Variants in SEMA3A observed in about 807,000 individuals in gnomAD.
SEMA3A encodes semaphorin-3A.
SEMA3A carries 29 observed loss-of-function variants against 97.9 expected under a neutral mutation model. That is an observed-to-expected ratio of 0.30 (90% CI 0.22 to 0.40). The LOEUF (loss-of-function observed/expected upper bound fraction) is 0.40, where lower values mean the gene tolerates loss of function less well. Ranked by LOEUF, SEMA3A falls within the 10% of genes least tolerant of loss-of-function variation. The pLI is 1.00. For synonymous variants in SEMA3A, 321 were observed against 323.7 expected (o/e 0.99, Z 0.09); for missense variants, 763 against 951.3 (o/e 0.80, Z 2.60).
At position 83,968,414 on chromosome 7, in the gene SEMA3A, G is replaced by A. The variant is rs541409929; in HGVS notation, c.1718-5067C>T. Among the ~76,000 whole-genome samples, 42 of 152,248 alleles carry A rather than the reference G, an allele frequency of 2.8e-4. 1 individual carries two copies. The South Asian group carries it at 8.5e-3, about 31-fold the overall frequency. On this transcript the variant is annotated intron_variant, in intron 15 of 16. Transcript: ENST00000265362. The stretch of plus-strand genomic sequence containing the variant: ...TTGATATGATATTGATTGCATTACA[G>A]TGTTTACTCTATGTTTACTTTTGGA...
chr7:84,002,903 A>C (rs908295353), intron 11 of SEMA3A, among the ~76,000 whole-genome samples: 2 of 152,154 alleles, frequency 1.3e-5, no homozygotes, highest in Non-Finnish European at 1.5e-5. Context: ...TTGGGCTTAA[A>C]AGTTATTAAT....
chr7:84,429,689 G>T, intron 1 of SEMA3A, among the ~76,000 whole-genome samples: 1 of 150,356 alleles, frequency 6.7e-6, no homozygotes, highest in Admixed American at 6.7e-5. Flanking sequence ...ATTTTAGGTG[G>T]GGGTAGGAGA....
chr7:84,378,895 C>T (rs1046931641), intron 1 of SEMA3A, among the ~76,000 whole-genome samples: 16 of 145,682 alleles, frequency 1.1e-4, no homozygotes, highest in African/African-American at 4.1e-4. Context: ...TCTCTCTCTC[C>T]ATATATATTT....
chr7:84,110,350 T>C, intron 4 of SEMA3A, 120 bp downstream of exon 4: 1 of 1,060,302 alleles, frequency 9.4e-7, no homozygotes, highest in Non-Finnish European at 1.4e-6. Context: ...GCATCTGAGT[T>C]TGAAGTAGGT....
intron 3 of SEMA3A, among the ~76,000 whole-genome samples, chr7:84,247,363 C>T (rs1235009579): frequency 1.3e-5 from 2 of 152,050 alleles, no homozygotes; most frequent in Non-Finnish European, 2.9e-5. Context: ...ATATTTGGTT[C>T]TAGTCCATCA....
intron 4 of SEMA3A, among the ~76,000 whole-genome samples, chr7:84,102,866 G>A (rs770982997): frequency 4.6e-5 from 7 of 151,988 alleles, no homozygotes; most frequent in Admixed American, 2.0e-4. Context: ...CAGGCGTTGA[G>A]TCACTGTGCC....
chr7:84,412,376 A>T (rs1052732197), intron 1 of SEMA3A, among the ~76,000 whole-genome samples: 1 of 152,160 alleles, frequency 6.6e-6, no homozygotes, highest in Admixed American at 6.6e-5. Flanking sequence ...TTCCATGGTG[A>T]GTGCTTAGCA....
chr7:84,003,041 T>C (rs890452300), intron 11 of SEMA3A, among the ~76,000 whole-genome samples: 46 of 152,168 alleles, frequency 3.0e-4, no homozygotes, highest in Non-Finnish European at 4.3e-4. Context: ...TAGCTTCAAC[T>C]GGTTCCTTTT....
intron 2 of SEMA3A, among the ~76,000 whole-genome samples, chr7:84,347,459 TGGAGTG>T (rs1802329518): frequency 1.3e-5 from 2 of 150,742 alleles, no homozygotes; most frequent in Non-Finnish European, 2.9e-5. Flanking sequence ...GTTGCCGGGC[TGGAGTG>T]CAATGGCGCG....
intron 3 of SEMA3A, among the ~76,000 whole-genome samples, chr7:84,265,873 A>AT (rs1240014638): frequency 6.6e-6 from 1 of 152,118 alleles, no homozygotes; most frequent in Non-Finnish European, 1.5e-5. Flanking sequence ...TAACTGATAT[A>AT]TTGGCTACTT....
intron 1 of SEMA3A, among the ~76,000 whole-genome samples, chr7:84,473,385 T>C (rs1333086615): frequency 6.7e-6 from 1 of 148,374 alleles, no homozygotes; most frequent in Admixed American, 6.8e-5. Context: ...TTATTATTAT[T>C]ATTATAATAT....
At chr7:84,013,615 G>A (rs1306416655) in intron 7 of SEMA3A, among the ~76,000 whole-genome samples, 4 of 150,634 alleles carry the variant, frequency 2.7e-5, no homozygotes, top group Non-Finnish European at 5.9e-5. Flanking sequence ...CAGCCCTTTC[G>A]GGGGCCAAAT....
intron 6 of SEMA3A, among the ~76,000 whole-genome samples, chr7:84,021,308 CATTT>C (rs1488538082): frequency 3.3e-5 from 5 of 152,290 alleles, no homozygotes; most frequent in Admixed American, 3.3e-4. Flanking sequence ...TATTTTATAA[CATTT>C]AATTCTTTTT....
Position 84,211,622 on chromosome 7 carries a change from A to G in SEMA3A, c.-82-16954T>C, listed in dbSNP as rs529477119. Among the ~76,000 whole-genome samples the G allele has an allele frequency of 6.1e-5, 7 of 115,148 alleles. No individual in the cohort carries two copies. The East Asian group carries it at 1.9e-3, about 31-fold the overall frequency. The allele number at this position is 115,148 out of a possible 152,430, so 75.5% of individuals were successfully genotyped here. The stretch of plus-strand genomic sequence containing the variant: ...GGGCAACAAGAATGAAACTCCATCT[A>G]AAAAAAAAAAAATTATCATAATTCC... On this transcript the variant is annotated intron_variant, in intron 3 of 3. Transcript: ENST00000424555.
At chr7:84,219,054 A>T (rs539814159) in intron 3 of SEMA3A, among the ~76,000 whole-genome samples, 8 of 152,250 alleles carry the variant, frequency 5.3e-5, no homozygotes, top group African/African-American at 1.9e-4. Flanking sequence ...GACTCTACAT[A>T]ATCCTTTCCC....
intron 5 of SEMA3A, among the ~76,000 whole-genome samples, chr7:84,048,359 C>T (rs1230213571): frequency 6.6e-6 from 1 of 151,950 alleles, no homozygotes; most frequent in Non-Finnish European, 1.5e-5. Context: ...CTTTGAAATA[C>T]ATAAATGCCT....
chr7:84,011,059 T>C lies in SEMA3A; in HGVS notation c.958A>G (p.Lys320Glu). Reference protein sequence around the residue: ...DVFLMNFKDPKNPVVYGVFTT... With the variant: ...DVFLMNFKDPENPVVYGVFTT... ...AACACTCCATATACAACTGGATTTT[T>C]AGGATCTTTAAAGTTCATTAGGAAT... is the stretch of plus-strand genomic sequence containing the variant. Residue 320 changes from lysine (K) to glutamate (E), a missense_variant, in exon 9 of 17, where the codon AAA becomes GAA. Physicochemically the swap from Lys to Glu is moderately conservative, Grantham distance 56. Around this residue, in one of 2 missense-constraint regions of SEMA3A, gnomAD observed 678 missense variants for 881.3 expected, o/e 0.77. Coordinates refer to ENST00000265362, the MANE Select transcript of SEMA3A (RefSeq NM_006080.3). 1 of 1,612,504 alleles carries C rather than the reference T, an allele frequency of 6.2e-7. No homozygotes were observed. The highest frequency in any genetic ancestry group is 8.5e-7 in the Non-Finnish European group (1 of 1,178,888).
chr7:84,440,336 C>T (rs1182272975), intron 1 of SEMA3A, among the ~76,000 whole-genome samples: 6 of 152,176 alleles, frequency 3.9e-5, no homozygotes, highest in Non-Finnish European at 7.3e-5. Flanking sequence ...TATCAAGCAG[C>T]TGTCCACATG....
rs149380970 is a variant in SEMA3A, at chr7:84,166,270, C to T, written c.112+28205G>A. ...TCCAGCCTGGGTGACAGAGTGGGAC[C>T]CTGTGGAAAAAAAAAAAAAGAGGCC... is the stretch of plus-strand genomic sequence containing the variant. On this transcript the variant is annotated intron_variant, in intron 1 of 16. Transcript: ENST00000265362. 1.5e-3 allele frequency among the ~76,000 whole-genome samples: 228 copies of T among 147,492 alleles called. 2 individuals carry two copies. The East Asian group carries it at 0.036, about 23-fold the overall frequency.
Sources: allele counts gnomAD v4.1 joint callset (sites outside exome capture counted in the v4.1 genomes callset), GRCh38; gene constraint gnomAD v4.1.1; regional missense constraint gnomAD v4.1.1; transcripts MANE v1.5; gene names NCBI Gene and HGNC (gene_info 2026-07-23, HGNC 2026-07-21).